The following XKR9 variants were observed in gnomAD, a reference collection of about 807,000 sequenced individuals.
XKR9 encodes XK related 9, also known as XK-related protein 9.
XKR9 carries 32 observed loss-of-function variants against 32.0 expected under a neutral mutation model. The observed-to-expected ratio is 1.00, with a 90% CI of 0.76 to 1.34. The LOEUF is 1.34. Among genes scored for constraint, XKR9 ranks in the 40% most tolerant of loss-of-function variants. The probability of loss-of-function intolerance (pLI) is 0.00; values close to 1 mark genes in which losing one functional copy is unlikely to be tolerated. For missense variants in XKR9, 546 were observed against 429.7 expected, an observed-to-expected ratio of 1.27 and a Z score of -2.39; for synonymous variants, 168 against 143.4, an observed-to-expected ratio of 1.17 and a Z score of -1.22.
chr8:70,737,247 A>G (rs1267240665), downstream of XKR9, among the ~76,000 whole-genome samples: 159 of 146,544 alleles, frequency 1.1e-3, no homozygotes, highest in African/African-American at 3.8e-3. Context: ...ATGGGAGTTC[A>G]CTCATGATTT....
chr8:71,050,252 TATATATATAGATAGATAG>T, the XKR9 span, among the ~76,000 whole-genome samples: 13 of 126,230 alleles, frequency 1.0e-4, no homozygotes, highest in African/African-American at 2.1e-4. Context: ...TATATATATA[TATATATATAGATAGATAG>T]ATAGATATAG....
the XKR9 span, among the ~76,000 whole-genome samples, chr8:71,025,353 A>G: frequency 6.6e-6 from 1 of 152,228 alleles, no homozygotes; most frequent in South Asian, 2.1e-4. Context: ...TCAACCACCA[A>G]ACTCACCAAT....
chr8:70,871,519 A>G, the XKR9 span, among the ~76,000 whole-genome samples: 2 of 152,172 alleles, frequency 1.3e-5, no homozygotes, highest in African/African-American at 4.8e-5. Context: ...ATCAGCAATC[A>G]GTGATCTTTG....
chr8:70,909,703 C>CTTTTTTT, the XKR9 span, among the ~76,000 whole-genome samples: 2 of 91,168 alleles, frequency 2.2e-5, no homozygotes, highest in East Asian at 2.7e-4. Context: ...TCGATTTATC[C>CTTTTTTT]TTTTTTTTTT....
the XKR9 span, among the ~76,000 whole-genome samples, chr8:71,020,946 A>G: frequency 6.6e-6 from 1 of 152,178 alleles, no homozygotes; most frequent in African/African-American, 2.4e-5. Flanking sequence ...TATAAAGAAA[A>G]GAGATTTATT....
intron 2 of XKR9, among the ~76,000 whole-genome samples, chr8:70,768,195 G>A (rs1306387656): frequency 6.6e-6 from 1 of 152,084 alleles, no homozygotes; most frequent in African/African-American, 2.4e-5. Flanking sequence ...AGTGATTCGG[G>A]AGCAGGTTGT....
the XKR9 span, among the ~76,000 whole-genome samples, chr8:70,975,731 T>C: frequency 6.6e-6 from 1 of 152,194 alleles, no homozygotes; most frequent in Admixed American, 6.5e-5. Context: ...GCAGTCTCTT[T>C]TTTGGTTCCA....
At chr8:70,722,637 G>T (rs1806320489) in intron 4 of XKR9, among the ~76,000 whole-genome samples, 1 of 152,146 alleles carries the variant, frequency 6.6e-6, no homozygotes, top group Non-Finnish European at 1.5e-5. Flanking sequence ...ACTGTGTTCT[G>T]GCTTGTAGGG....
At chr8:70,693,116 A>G (rs1457068956) in intron 3 of XKR9, among the ~76,000 whole-genome samples, 2 of 152,136 alleles carry the variant, frequency 1.3e-5, no homozygotes, top group African/African-American at 4.8e-5. Flanking sequence ...CTTTTTGATG[A>G]CACTTGGCAT....
intron 3 of XKR9, among the ~76,000 whole-genome samples, chr8:70,702,750 T>G: frequency 6.6e-6 from 1 of 152,144 alleles, no homozygotes; most frequent in Admixed American, 6.5e-5. Context: ...CCATATGAAG[T>G]TTTTTATTTG....
At chr8:70,851,797 G>A in the XKR9 span, among the ~76,000 whole-genome samples, 1 of 152,190 alleles carries the variant, frequency 6.6e-6, no homozygotes, top group Non-Finnish European at 1.5e-5. Flanking sequence ...ATGGATTAAA[G>A]ATTTAAACAT....
chr8:70,738,290 G>A (rs907833563), downstream of XKR9, among the ~76,000 whole-genome samples: 29 of 144,278 alleles, frequency 2.0e-4, 1 homozygote, highest in Admixed American at 2.0e-3. Context: ...ATGGTAGTTT[G>A]TATTTCTGTG....
the XKR9 span, among the ~76,000 whole-genome samples, chr8:71,011,919 T>G: frequency 6.6e-6 from 1 of 152,194 alleles, no homozygotes; most frequent in East Asian, 1.9e-4. Context: ...GGTTAGAAAT[T>G]TATACAAAAC....
intron 3 of XKR9, chr8:70,789,484 T>C (rs1356331514): frequency 2.0e-5 from 3 of 152,000 alleles, no homozygotes; most frequent in South Asian, 4.1e-4. Context: ...TTTGTTGATA[T>C]TATGGTATGG....
At chr8:70,760,010 C>T (rs977592929) in intron 2 of XKR9, among the ~76,000 whole-genome samples, 10 of 152,038 alleles carry the variant, frequency 6.6e-5, no homozygotes, top group African/African-American at 2.4e-4. Context: ...TGAGCATATT[C>T]TTTATATTTT....
the XKR9 span, among the ~76,000 whole-genome samples, chr8:70,841,709 C>A: frequency 1.3e-5 from 2 of 152,092 alleles, no homozygotes; most frequent in Admixed American, 1.3e-4. Flanking sequence ...TCAAATGTTT[C>A]CCCATGATCA....
chr8:70,794,271 T>C (rs1807800866), downstream of XKR9, among the ~76,000 whole-genome samples: 1 of 152,248 alleles, frequency 6.6e-6, no homozygotes. Context: ...TTAGGATTTT[T>C]ACAGTTAAGA....
chr8:70,978,818 C>A, the XKR9 span, among the ~76,000 whole-genome samples: 2 of 152,142 alleles, frequency 1.3e-5, no homozygotes, highest in Non-Finnish European at 2.9e-5. Flanking sequence ...TGGATAATAT[C>A]CTGCAGAGTG....
At chr8:71,060,812 T>C in the XKR9 span, among the ~76,000 whole-genome samples, 1 of 152,202 alleles carries the variant, frequency 6.6e-6, no homozygotes, top group Admixed American at 6.5e-5. Context: ...ATAAACAAAC[T>C]AAATCTTGGG....
Sources: allele counts gnomAD v4.1 joint callset (sites outside exome capture counted in the v4.1 genomes callset), GRCh38; gene constraint gnomAD v4.1.1; transcripts MANE v1.5; gene names NCBI Gene and HGNC (gene_info 2026-07-23, HGNC 2026-07-21).